The following DYNC2H1 variants were observed in gnomAD, a reference collection of about 807,000 sequenced individuals.
DYNC2H1 encodes the protein cytoplasmic dynein 2 heavy chain 1.
DYNC2H1 carries 410 observed loss-of-function variants against 570.0 expected under a neutral mutation model. The ratio of observed to expected loss-of-function variants is 0.72; its 90% CI spans 0.66 to 0.78. DYNC2H1 has a LOEUF of 0.78. Among genes scored for constraint, DYNC2H1 ranks in the 30% least tolerant of loss-of-function variants. The pLI is 0.00. For synonymous variants in DYNC2H1, 1,688 were observed against 1,677.6 expected (o/e 1.01, Z -0.15); for missense variants, 4,865 against 5,046.4 (o/e 0.96, Z 1.09).
At position 103,186,549 on chromosome 11, in the gene DYNC2H1, G is replaced by GC; in HGVS notation, c.6893+52dup. Reference sequence around the variant, plus strand: ...TATATGTTGTGGATTTATTCCTGCCGCCCCTAATTGATTTAATGGCTTTTG... The same window carrying GC: ...TATATGTTGTGGATTTATTCCTGCCGCCCCCTAATTGATTTAATGGCTTTTG... On this transcript the variant is annotated intron_variant, in intron 42 of 88. Coordinates refer to ENST00000375735, the MANE Select transcript of DYNC2H1 (RefSeq NM_001377.3). This position sits in a 1 kb window ranked among gnomAD's most constrained non-coding sequence, Gnocchi z 4.5. The GC allele has an allele frequency of 1.9e-6, 3 of 1,569,038 alleles. No homozygotes were observed. Among genetic ancestry groups the GC allele is most frequent in the Non-Finnish European group, 2.6e-6 (3 of 1,160,062 alleles).
At chr11:103,282,134 G>A in intron 71 of DYNC2H1, 45 bp from the exon 72 acceptor site, 1 of 1,572,170 alleles carries the variant, frequency 6.4e-7, no homozygotes, top group Non-Finnish European at 8.7e-7. Flanking sequence ...TTGTTAACTG[G>A]TTATCATTTT....
rs539493580 is a variant in DYNC2H1, at chr11:103,381,510, C to T, written c.12157-18153C>T. Among the ~76,000 whole-genome samples the T allele has an allele frequency of 7.2e-5, 11 of 152,236 alleles. No individual in the cohort carries two copies. In the East Asian group the frequency reaches 1.9e-3, roughly 27 times the overall value. On this transcript the variant is annotated intron_variant, in intron 83 of 88. Coordinates refer to ENST00000375735, the MANE Select transcript of DYNC2H1 (RefSeq NM_001377.3). The stretch of plus-strand genomic sequence containing the variant: ...TGTCACTCAGGCTGGAGTACAGTGG[C>T]GCGATCTCGGCTCACTGCAACCTCC...
chr11:103,187,629 A>G (rs1420645914), intron 43 of DYNC2H1, 43 bp downstream of exon 43: 3 of 1,583,676 alleles, frequency 1.9e-6, no homozygotes, highest in African/African-American at 1.4e-5. Context: ...ATTGGAAACA[A>G]TTTAATTTCA....
At chr11:103,281,864 T>C (rs1331147865) in intron 71 of DYNC2H1, among the ~76,000 whole-genome samples, 1 of 152,036 alleles carries the variant, frequency 6.6e-6, no homozygotes, top group African/African-American at 2.4e-5. Context: ...ACAAATAGCC[T>C]GTGGGAAAAC....
At chr11:103,300,013 G>T (rs4754904) in intron 75 of DYNC2H1, among the ~76,000 whole-genome samples, 24,991 of 151,736 alleles carry the variant, frequency 0.16, 2,244 homozygotes, top group Admixed American at 0.25. Context: ...TTTTACAATT[G>T]TTTTCTCATA....
chr11:103,444,619 G>A (rs1175958703), intron 85 of DYNC2H1, among the ~76,000 whole-genome samples: 1 of 152,180 alleles, frequency 6.6e-6, no homozygotes, highest in African/African-American at 2.4e-5. Flanking sequence ...AAATGATGTA[G>A]ATTAAGGGGG....
chr11:103,323,807 A>G, intron 81 of DYNC2H1, 79 bp from the exon 82 acceptor site: 1 of 1,043,006 alleles, frequency 9.6e-7, no homozygotes, highest in Non-Finnish European at 1.4e-6. Context: ...AACATTTCAA[A>G]GTATTCTTTC....
At chr11:103,431,215 T>TAAAA (rs10645288) in intron 84 of DYNC2H1, among the ~76,000 whole-genome samples, 22 of 138,456 alleles carry the variant, frequency 1.6e-4, no homozygotes, top group South Asian at 2.3e-4. Context: ...TCATTTAGTT[T>TAAAA]AAAAAAAAAA....
At chr11:103,379,987 T>C (rs1258213332) in intron 83 of DYNC2H1, among the ~76,000 whole-genome samples, 1 of 152,244 alleles carries the variant, frequency 6.6e-6, no homozygotes, top group Non-Finnish European at 1.5e-5. Context: ...TGTATACATA[T>C]AAATGATTCA....
intron 79 of DYNC2H1, among the ~76,000 whole-genome samples, chr11:103,315,663 T>C (rs1180960738): frequency 6.6e-6 from 1 of 152,038 alleles, no homozygotes; most frequent in Non-Finnish European, 1.5e-5. Context: ...TCCTCTAGAT[T>C]AGGTCAGATC....
intron 55 of DYNC2H1, among the ~76,000 whole-genome samples, chr11:103,216,993 C>T (rs956265053): frequency 2.0e-5 from 3 of 152,018 alleles, no homozygotes; most frequent in African/African-American, 7.2e-5. Context: ...TACCTTATCC[C>T]TTAATGTAAT....
chr11:103,239,644 T>A lies in DYNC2H1; in HGVS notation c.9819+3105T>A, dbSNP rs1407321014. ...CCTGTCTATACACTTCTCATAGGAG[T>A]GTGTGTGTGTGTGTGTGTGTGTGTG... On this transcript the variant is annotated intron_variant, in intron 63 of 88. Transcript: ENST00000375735. The surrounding 1 kb of genome is among the most constrained non-coding windows in gnomAD (Gnocchi z 4.3). Among the ~76,000 whole-genome samples, 1 of 81,758 alleles carries A rather than the reference T, an allele frequency of 1.2e-5. No homozygotes were observed. Among genetic ancestry groups the A allele is most frequent in the African/African-American group, 3.9e-5 (1 of 25,748 alleles). 53.6% of individuals were successfully genotyped at this position (81,758 alleles called of 152,430 possible).
chr11:103,266,704 G>C (rs78048180), intron 70 of DYNC2H1, among the ~76,000 whole-genome samples: 5,865 of 152,238 alleles, frequency 0.039, 378 homozygotes, highest in African/African-American at 0.13. Flanking sequence ...GAGCGCATGG[G>C]CTGGTGCACA....
chr11:103,423,587 G>T (rs1242981740), intron 84 of DYNC2H1, among the ~76,000 whole-genome samples: 1 of 151,824 alleles, frequency 6.6e-6, no homozygotes, highest in Non-Finnish European at 1.5e-5. Flanking sequence ...AAAAGAAAAA[G>T]TGATACATTG....
At chr11:103,274,134 G>GTATA (rs144998755) in intron 70 of DYNC2H1, among the ~76,000 whole-genome samples, 1 of 149,622 alleles carries the variant, frequency 6.7e-6, no homozygotes, top group Non-Finnish European at 1.5e-5. Flanking sequence ...GTGTGTGTGT[G>GTATA]TATATATATA....
rs1862904625 is a variant in DYNC2H1, at chr11:103,205,911, T to C, written c.8454+947T>C. Among the ~76,000 whole-genome samples, 1 of 152,214 alleles carries C rather than the reference T, an allele frequency of 6.6e-6. No individual in the cohort carries two copies. The highest frequency in any genetic ancestry group is 1.5e-5 in the Non-Finnish European group (1 of 68,034). ...GTTAGGATGGGGCTTTGTAAGCTAC[T>C]ACACTCTATAGGATTTCAGCTTTTC... On this transcript the variant is annotated intron_variant, in intron 52 of 88. Transcript: ENST00000375735. This position sits in a 1 kb window ranked among gnomAD's most constrained non-coding sequence, Gnocchi z 4.5.
intron 87 of DYNC2H1, among the ~76,000 whole-genome samples, chr11:103,460,330 G>T (rs898808115): frequency 1.3e-5 from 2 of 150,126 alleles, no homozygotes; most frequent in Admixed American, 1.3e-4. Context: ...TTTAATTTAG[G>T]AGTATAATAA....
intron 88 of DYNC2H1, among the ~76,000 whole-genome samples, chr11:103,474,474 G>A (rs544008806): frequency 6.6e-6 from 1 of 152,110 alleles, no homozygotes; most frequent in African/African-American, 2.4e-5. Flanking sequence ...TGGCCAAATA[G>A]CTAATATGAG....
chr11:103,167,096 A>G (rs972172981), intron 31 of DYNC2H1, among the ~76,000 whole-genome samples: 3 of 145,698 alleles, frequency 2.1e-5, no homozygotes, highest in East Asian at 2.0e-4. Flanking sequence ...TTCCATTTCA[A>G]TATTAAGTCC....
Sources: allele counts gnomAD v4.1 joint callset (sites outside exome capture counted in the v4.1 genomes callset), GRCh38; gene constraint gnomAD v4.1.1; non-coding constraint Gnocchi (gnomAD v3.1); transcripts MANE v1.5; gene names NCBI Gene and HGNC (gene_info 2026-07-23, HGNC 2026-07-21).